Variants in SPAST observed in about 807,000 individuals in gnomAD.
SPAST encodes spastic paraplegia 4 (autosomal dominant; spastin).
SPAST carries 30 observed loss-of-function variants against 76.6 expected under a neutral mutation model. The observed-to-expected ratio is 0.39, with a 90% CI of 0.29 to 0.53. SPAST has a LOEUF of 0.53. Among genes scored for constraint, SPAST ranks in the 20% least tolerant of loss-of-function variants. The pLI, the probability that SPAST is intolerant of heterozygous loss-of-function variation, is 0.68. For missense variants in SPAST, 717 were observed against 770.5 expected, an observed-to-expected ratio of 0.93 and a Z score of 0.82; for synonymous variants, 305 against 281.0, an observed-to-expected ratio of 1.09 and a Z score of -0.86.
Position 32,087,365 on chromosome 2 carries a change from G to A in SPAST, c.416-127G>A, listed in dbSNP as rs1441129587. The A allele has an allele frequency of 7.2e-6, 4 of 558,800 alleles. No individual in the cohort carries two copies. In the East Asian group the frequency reaches 1.3e-4, roughly 18 times the overall value. The allele number at this position is 558,800 out of a possible 1,614,324, so 34.6% of individuals were successfully genotyped here. On this transcript the variant is annotated intron_variant, in intron 1 of 16. Transcript: ENST00000315285. ...ATTACAATGATAAAAATACTAAGAA[G>A]TTATATAGTAATGTTTCTCAGACTT...
chr2:32,155,293 G>T lies in SPAST; in HGVS notation c.*797G>T, dbSNP rs1474536221. On this transcript the variant is annotated 3_prime_UTR_variant, in exon 17 of 17. Coordinates refer to ENST00000315285, the MANE Select transcript of SPAST (RefSeq NM_014946.4). ...TTTCTAATGTATTTGTCAGAAATCT[G>T]TTGTAGACTGTTAACTTCTTCCTGA... 2 of 152,410 alleles carry T rather than the reference G, an allele frequency of 1.3e-5. No homozygotes were observed. Among genetic ancestry groups the T allele is most frequent in the African/African-American group, 4.8e-5 (2 of 41,406 alleles). The allele number at this position is 152,410 out of a possible 1,614,324, so 9.4% of individuals were successfully genotyped here. A position where few individuals can be genotyped will look rare whatever the true frequency, so the allele number is the denominator to read the frequency against.
chr2:32,063,734 G>C lies in SPAST; in HGVS notation c.-98G>C. ...TCCTGAGACCGGCGGGCACACGGGG[G>C]TCTGTGGCCCCCGCCGTAGCAGTGG... is the stretch of plus-strand genomic sequence containing the variant. On this transcript the variant is annotated 5_prime_UTR_variant, in exon 1 of 17. Coordinates refer to ENST00000315285, the MANE Select transcript of SPAST (RefSeq NM_014946.4). 1 of 1,477,166 alleles carries C rather than the reference G, an allele frequency of 6.8e-7. No homozygotes were observed. Among genetic ancestry groups the C allele is most frequent in the East Asian group, 2.5e-5 (1 of 40,248 alleles). The allele number at this position is 1,477,166 out of a possible 1,614,324, so 91.5% of individuals were successfully genotyped here.
chr2:32,148,952 C>T (rs1336088174), intron 16 of SPAST, among the ~76,000 whole-genome samples: 1 of 148,886 alleles, frequency 6.7e-6, no homozygotes, highest in African/African-American at 2.5e-5. Context: ...CTAGCCTGGG[C>T]GACAGAGTGA....
intron 4 of SPAST, among the ~76,000 whole-genome samples, chr2:32,111,740 C>T (rs926039369): frequency 6.0e-5 from 9 of 151,038 alleles, no homozygotes; most frequent in Non-Finnish European, 1.2e-4. Context: ...TGGTTAAACT[C>T]TTAGTCTTTC....
intron 9 of SPAST, among the ~76,000 whole-genome samples, chr2:32,132,542 T>C (rs80059899): frequency 1.3e-5 from 2 of 149,668 alleles, no homozygotes; most frequent in Admixed American, 1.3e-4. Flanking sequence ...TTTTTTTTTT[T>C]ATGAGACAGC....
chr2:32,086,641 CCAG>C (rs1677487720), intron 1 of SPAST, among the ~76,000 whole-genome samples: 1 of 151,696 alleles, frequency 6.6e-6, no homozygotes, highest in African/African-American at 2.4e-5. Context: ...ACCTGTAACC[CCAG>C]CTACTCCAGA....
chr2:32,125,856 G>A (rs1037117636), intron 7 of SPAST, among the ~76,000 whole-genome samples: 2 of 151,940 alleles, frequency 1.3e-5, no homozygotes, highest in Non-Finnish European at 2.9e-5. Flanking sequence ...GTGCAGTGGC[G>A]CAATCTTGGC....
At chr2:32,125,508 C>T (rs1156558840) in intron 7 of SPAST, among the ~76,000 whole-genome samples, 1 of 152,094 alleles carries the variant, frequency 6.6e-6, no homozygotes, top group East Asian at 1.9e-4. Context: ...TAGGCGTGAG[C>T]CACTGCGCCC....
At chr2:32,133,524 T>G (rs907211380) in intron 9 of SPAST, among the ~76,000 whole-genome samples, 2 of 152,260 alleles carry the variant, frequency 1.3e-5, no homozygotes, top group Admixed American at 6.5e-5. Context: ...TGTATTTGGC[T>G]TCTTTCATCA....
intron 1 of SPAST, among the ~76,000 whole-genome samples, chr2:32,068,295 T>C (rs912383339): frequency 2.7e-5 from 4 of 150,772 alleles, no homozygotes; most frequent in African/African-American, 9.8e-5. Flanking sequence ...TGATTTCTAA[T>C]GTGGACATCA....
chr2:32,117,285 C>T (rs1439655513), intron 7 of SPAST, among the ~76,000 whole-genome samples: 1 of 151,746 alleles, frequency 6.6e-6, no homozygotes, highest in Non-Finnish European at 1.5e-5. Flanking sequence ...AAGATAAATA[C>T]ATAAAAATAA....
intron 1 of SPAST, among the ~76,000 whole-genome samples, chr2:32,084,643 T>C (rs976046063): frequency 4.4e-4 from 67 of 151,608 alleles, no homozygotes; most frequent in Non-Finnish European, 4.4e-5. Flanking sequence ...CCTAGCACTT[T>C]TGGAGGCTGA....
intron 7 of SPAST, among the ~76,000 whole-genome samples, chr2:32,117,423 A>G (rs879311638): frequency 6.6e-6 from 1 of 152,018 alleles, no homozygotes; most frequent in African/African-American, 2.4e-5. Context: ...CTAAATACCA[A>G]CGTGACAGTG....
At chr2:32,151,469 C>T (rs1266127061) in intron 16 of SPAST, among the ~76,000 whole-genome samples, 2 of 152,184 alleles carry the variant, frequency 1.3e-5, no homozygotes, top group East Asian at 3.8e-4. Context: ...TCCATTCTCT[C>T]ATTTCCATTT....
In SPAST at chr2:32,153,649, CTG is replaced by C. The variant is rs547150551; in HGVS notation, c.1729-722_1729-721del. On this transcript the variant is annotated intron_variant, in intron 16 of 16. Coordinates refer to ENST00000315285, the MANE Select transcript of SPAST (RefSeq NM_014946.4). The stretch of plus-strand genomic sequence containing the variant: ...TATTAATTTTTCTATTGCCTGGACT[CTG>C]TGAACCTATCCATTTTGCCTTTTAA... Among the ~76,000 whole-genome samples, 154 of 152,154 alleles carry C rather than the reference CTG, an allele frequency of 1.0e-3. 1 individual carries two copies. Among genetic ancestry groups the C allele is most frequent in the African/African-American group, 3.7e-3 (152 of 41,524 alleles).
chr2:32,072,385 A>G (rs868832703), intron 1 of SPAST, among the ~76,000 whole-genome samples: 1 of 152,144 alleles, frequency 6.6e-6, no homozygotes, highest in Non-Finnish European at 1.5e-5. Context: ...ATCTGACGTG[A>G]TGCTGTACTA....
At chr2:32,147,606 T>A (rs1679935675) in intron 16 of SPAST, among the ~76,000 whole-genome samples, 1 of 149,318 alleles carries the variant, frequency 6.7e-6, no homozygotes, top group South Asian at 2.2e-4. Context: ...CTTGAGCCGC[T>A]GCATCTGGCT....
chr2:32,104,604 C>A (rs1471670031), intron 4 of SPAST, among the ~76,000 whole-genome samples: 1 of 152,166 alleles, frequency 6.6e-6, no homozygotes, highest in Non-Finnish European at 1.5e-5. Context: ...TGTTCATTTC[C>A]ATGTTCAGTG....
intron 1 of SPAST, among the ~76,000 whole-genome samples, chr2:32,078,284 G>A (rs1412592228): frequency 6.6e-6 from 1 of 152,144 alleles, no homozygotes; most frequent in Admixed American, 6.5e-5. Context: ...TGATTGTCGT[G>A]CCTCAGCCTC....
Sources: gnomAD v4.1 joint callset for allele counts (sites outside exome capture counted in the v4.1 genomes callset) on GRCh38, gnomAD v4.1.1 for gene constraint, MANE v1.5 for transcripts, NCBI Gene and HGNC (gene_info 2026-07-23, HGNC 2026-07-21) for gene names.